Variants in SLCO1A2 observed in about 807,000 individuals in gnomAD.
SLCO1A2 encodes the protein solute carrier organic anion transporter family member 1A2, also known as OATP-1.
SLCO1A2 carries 67 observed loss-of-function variants against 69.0 expected under a neutral mutation model. The observed-to-expected ratio is 0.97, with a 90% confidence interval of 0.80 to 1.19. The LOEUF (loss-of-function observed/expected upper bound fraction) is 1.19. Ranked by LOEUF, SLCO1A2 falls within the 50% of genes most tolerant of loss-of-function variation. The pLI is 0.00. For missense variants in SLCO1A2, 787 were observed against 793.7 expected, an observed-to-expected ratio of 0.99 and a Z score of 0.10; for synonymous variants, 260 against 265.9, an observed-to-expected ratio of 0.98 and a Z score of 0.22.
At chr12:21,309,953 C>T (rs898274782) in intron 4 of SLCO1A2, among the ~76,000 whole-genome samples, 4 of 152,104 alleles carry the variant, frequency 2.6e-5, no homozygotes, top group Non-Finnish European at 4.4e-5. Context: ...GACATTTGCC[C>T]TACCAGTGGA....
chr12:21,395,762 C>T (rs566487074), upstream of SLCO1A2, among the ~76,000 whole-genome samples: 1 of 152,280 alleles, frequency 6.6e-6, no homozygotes, highest in East Asian at 1.9e-4. Flanking sequence ...AGCAGGGGCA[C>T]ACTGACACCT....
intron 1 of SLCO1A2, chr12:21,378,230 T>C: frequency 6.2e-7 from 1 of 1,613,910 alleles, no homozygotes; most frequent in Non-Finnish European, 8.5e-7. Flanking sequence ...TTGTTCCATG[T>C]TACCAGTCAT....
chr12:21,287,031 G>T (rs1464707468), intron 12 of SLCO1A2, among the ~76,000 whole-genome samples: 2 of 131,182 alleles, frequency 1.5e-5, no homozygotes, highest in Non-Finnish European at 3.3e-5. Context: ...AAACTAAAGA[G>T]CTTCTGCACA....
At chr12:21,360,823 GC>G (rs895527444) in intron 2 of SLCO1A2, among the ~76,000 whole-genome samples, 5 of 152,212 alleles carry the variant, frequency 3.3e-5, no homozygotes, top group African/African-American at 1.2e-4. Context: ...CTGCAAGGCA[GC>G]AGCAAGGCTG....
chr12:21,299,870 GTGTGTATATATATATACGTGTA>G (rs1591812583), intron 8 of SLCO1A2, among the ~76,000 whole-genome samples: 2 of 107,856 alleles, frequency 1.9e-5, no homozygotes, highest in African/African-American at 3.3e-5. Flanking sequence ...ATATATACGT[GTGTGTATATATATATACGTGTA>G]TATATATATA....
intron 2 of SLCO1A2, among the ~76,000 whole-genome samples, chr12:21,341,057 A>G (rs1051776540): frequency 6.6e-6 from 1 of 152,046 alleles, no homozygotes; most frequent in Non-Finnish European, 1.5e-5. Context: ...CATAAGTATT[A>G]TTCCCAACTT....
chr12:21,360,464 G>A (rs1201310945), intron 2 of SLCO1A2, among the ~76,000 whole-genome samples: 1 of 152,228 alleles, frequency 6.6e-6, no homozygotes, highest in African/African-American at 2.4e-5. Flanking sequence ...AACAGCTCCA[G>A]TCTGCAGCTC....
Position 21,305,241 on chromosome 12 carries a change from T to C in SLCO1A2, c.443-668A>G, listed in dbSNP as rs73235222. Among the ~76,000 whole-genome samples the C allele has an allele frequency of 1.6e-3, 242 of 152,306 alleles. 2 individuals carry two copies. The highest frequency in any genetic ancestry group is 5.6e-3 in the African/African-American group (232 of 41,556). ...GTAACAAAGACTAGACCAAAGGGAA[T>C]AGAAACTGAGAAAGATAGGGAGATC... On this transcript the variant is annotated intron_variant, in intron 5 of 14. Transcript: ENST00000683939.
upstream of SLCO1A2, among the ~76,000 whole-genome samples, chr12:21,398,491 T>C (rs1941561699): frequency 1.3e-5 from 2 of 149,028 alleles, no homozygotes; most frequent in South Asian, 2.2e-4. Context: ...TTCCAATCAA[T>C]AGAAAAAGAC....
At chr12:21,409,931 A>G (rs1941880787) in intron 1 of SLCO1A2, among the ~76,000 whole-genome samples, 1 of 152,032 alleles carries the variant, frequency 6.6e-6, no homozygotes. Flanking sequence ...CCTGTGCTCT[A>G]TTTTTTTGTG....
intron 12 of SLCO1A2, among the ~76,000 whole-genome samples, chr12:21,276,371 G>A (rs1381193313): frequency 6.7e-6 from 1 of 148,488 alleles, no homozygotes; most frequent in Admixed American, 6.7e-5. Flanking sequence ...GCGTAGAGAT[G>A]ATAGAGATAA....
At chr12:21,316,550 T>C (rs970461050) in intron 3 of SLCO1A2, among the ~76,000 whole-genome samples, 3 of 132,710 alleles carry the variant, frequency 2.3e-5, no homozygotes, top group African/African-American at 9.5e-5. Context: ...ACACTGCTGA[T>C]ACTTTTTTTT....
chr12:21,297,588 A>G lies in SLCO1A2; in HGVS notation c.911-20T>C, dbSNP rs765563157. The G allele has an allele frequency of 7.3e-6, 11 of 1,509,848 alleles. No individual in the cohort carries two copies. Among genetic ancestry groups the G allele is most frequent in the Non-Finnish European group, 9.0e-6 (10 of 1,117,172 alleles). The allele number at this position is 1,509,848 out of a possible 1,614,324, so 93.5% of individuals were successfully genotyped here. ...GAAAATCTGAAATGAAAGAATGACA[A>G]CTGTGTCAAACGAACTTGGCTTTGC... On this transcript the variant is annotated intron_variant, in intron 8 of 14. Transcript: ENST00000683939.
chr12:21,412,457 C>T (rs1242558751), intron 1 of SLCO1A2, among the ~76,000 whole-genome samples: 2 of 152,108 alleles, frequency 1.3e-5, no homozygotes, highest in Non-Finnish European at 2.9e-5. Flanking sequence ...TTCTAAGTTA[C>T]TTTGAATGTT....
At chr12:21,309,692 T>C (rs1949865985) in intron 4 of SLCO1A2, among the ~76,000 whole-genome samples, 1 of 152,190 alleles carries the variant, frequency 6.6e-6, no homozygotes, top group African/African-American at 2.4e-5. Flanking sequence ...GATTATTTCC[T>C]TCACAAAAAC....
rs890910960 is a variant in SLCO1A2, at chr12:21,388,000, G to A, written c.-190+6906C>T. On this transcript the variant is annotated intron_variant, in intron 1 of 15. Coordinates refer to the SLCO1A2 transcript ENST00000307378. Reference sequence around the variant, plus strand: ...TCATTTTGGAATGTTAAGGTTTAATGACTGCCCATTGGATTTTAGACTTAT... The same window carrying A: ...TCATTTTGGAATGTTAAGGTTTAATAACTGCCCATTGGATTTTAGACTTAT... Among the ~76,000 whole-genome samples the A allele has an allele frequency of 2.0e-5, 3 of 152,182 alleles. No homozygotes were observed. In the East Asian group the frequency reaches 5.8e-4, roughly 29 times the overall value.
intron 2 of SLCO1A2, among the ~76,000 whole-genome samples, chr12:21,368,300 C>T (rs1490983502): frequency 1.3e-5 from 2 of 152,152 alleles, no homozygotes; most frequent in Middle Eastern, 3.4e-3. Flanking sequence ...TGATACCACA[C>T]GTATGCCATC....
chr12:21,377,249 G>A (rs982157426), intron 1 of SLCO1A2, among the ~76,000 whole-genome samples: 1 of 152,046 alleles, frequency 6.6e-6, no homozygotes, highest in African/African-American at 2.4e-5. Context: ...ATCCAAGCAG[G>A]AAAATGTATT....
intron 2 of SLCO1A2, among the ~76,000 whole-genome samples, chr12:21,355,437 A>T (rs1938289380): frequency 2.0e-5 from 3 of 152,220 alleles, no homozygotes; most frequent in African/African-American, 7.2e-5. Context: ...AAATCTGAGC[A>T]GAGAGCCATG....
Sources: gnomAD v4.1 joint callset for allele counts (sites outside exome capture counted in the v4.1 genomes callset) on GRCh38, gnomAD v4.1.1 for gene constraint, MANE v1.5 for transcripts, NCBI Gene and HGNC (gene_info 2026-07-23, HGNC 2026-07-21) for gene names.